The following LIN7C variants were observed in gnomAD, a reference collection of about 807,000 sequenced individuals.
LIN7C encodes protein lin-7 homolog C.
A neutral mutation model predicts 24.7 loss-of-function variants in LIN7C; 17 were observed. That is an observed-to-expected ratio of 0.69 (90% CI 0.47 to 1.03). The LOEUF is 1.03. Among genes scored for constraint, LIN7C ranks in the 50% least tolerant of loss-of-function variants. The pLI, the probability that LIN7C is intolerant of heterozygous loss-of-function variation, is 0.00. For missense variants in LIN7C, 204 were observed against 239.0 expected, an observed-to-expected ratio of 0.85 and a Z score of 0.97; for synonymous variants, 90 against 83.4, an observed-to-expected ratio of 1.08 and a Z score of -0.43.
At position 27,499,533 on chromosome 11, in the gene LIN7C, A is replaced by G. The variant is rs766742309; in HGVS notation, c.264T>C (p.His88=). Residue 88 remains histidine (H), a synonymous_variant, in exon 4 of 5, where the codon CAT becomes CAC. Coordinates refer to ENST00000278193, the MANE Select transcript of LIN7C (RefSeq NM_018362.4). The part of the protein sequence containing the change: ...TVAAFAASEG[H]SHPRVVELPK... ...GTAGCTCAACAACTCGAGGATGAGA[A>G]TGTCCTTCACTGGCAGCAAATGCAG... 7 of 1,614,194 alleles carry G rather than the reference A, an allele frequency of 4.3e-6. No homozygotes were observed. Among genetic ancestry groups the G allele is most frequent in the Non-Finnish European group, 5.9e-6 (7 of 1,180,044 alleles).
chr11:27,505,708 T>C (rs1378557368), intron 1 of LIN7C, among the ~76,000 whole-genome samples: 6 of 152,228 alleles, frequency 3.9e-5, no homozygotes, highest in African/African-American at 9.6e-5. Flanking sequence ...ACAATAGTAA[T>C]ATTTAGACTA....
chr11:27,501,255 A>G (rs999192282), intron 3 of LIN7C, among the ~76,000 whole-genome samples: 1 of 152,190 alleles, frequency 6.6e-6, no homozygotes, highest in Admixed American at 6.5e-5. Flanking sequence ...GTATGCAAGT[A>G]CATTTCTATT....
intron 2 of LIN7C, 87 bp from the exon 3 acceptor site, chr11:27,501,653 TAA>T: frequency 9.0e-6 from 2 of 221,210 alleles, no homozygotes; most frequent in Non-Finnish European, 1.6e-5. Context: ...TGCATCTTTA[TAA>T]AATGGTTTTA....
At position 27,498,484 on chromosome 11, in the gene LIN7C, T is replaced by C; in HGVS notation, c.*165A>G. 9.0e-6 allele frequency: 6 copies of C among 663,540 alleles called. No homozygotes were observed. The highest frequency in any genetic ancestry group is 7.4e-6 in the Non-Finnish European group (3 of 405,278). 41.1% of individuals were successfully genotyped at this position (663,540 alleles called of 1,614,324 possible). On this transcript the variant is annotated 3_prime_UTR_variant, in exon 5 of 5. Coordinates refer to ENST00000278193, the MANE Select transcript of LIN7C (RefSeq NM_018362.4). ...TGTCAGAAAAAAGTGTATGCATCTC[T>C]GGAACCATAAATGATGTTAAAATAG...
rs1304865801 is a variant in LIN7C, at chr11:27,498,102, T to C, written c.*547A>G. ...GAGTCATGATTTACCACTGGTTATA[T>C]ATATTATGTGTGTGTTCAAAGTACA... On this transcript the variant is annotated 3_prime_UTR_variant, in exon 5 of 5. Coordinates refer to ENST00000278193, the MANE Select transcript of LIN7C (RefSeq NM_018362.4). 2.0e-5 allele frequency: 3 copies of C among 152,480 alleles called. No homozygotes were observed. Among genetic ancestry groups the C allele is most frequent in the African/African-American group, 7.2e-5 (3 of 41,448 alleles). 9.4% of individuals were successfully genotyped at this position (152,480 alleles called of 1,614,324 possible). A position where few individuals can be genotyped will look rare whatever the true frequency, so the allele number is the denominator to read the frequency against.
chr11:27,496,002 C>CA lies in LIN7C; in HGVS notation c.*2646dup, dbSNP rs11378974. ...AAAAACAAACAAACCAAAAAAAAAA[C>CA]AAAAAAAAAACCTAAGAAATGTAAT... On this transcript the variant is annotated 3_prime_UTR_variant, in exon 5 of 5. Transcript: ENST00000278193. The CA allele has an allele frequency of 0.42, 61,703 of 145,786 alleles. 14,579 individuals carry two copies. Among genetic ancestry groups the CA allele is most frequent in the Non-Finnish European group, 0.54 (36,092 of 66,608 alleles). The allele number at this position is 145,786 out of a possible 1,614,324, so 9.0% of individuals were successfully genotyped here. A position where few individuals can be genotyped will look rare whatever the true frequency, so the allele number is the denominator to read the frequency against.
chr11:27,499,702 A>C, intron 3 of LIN7C, 134 bp from the exon 4 acceptor site: 1 of 726,654 alleles, frequency 1.4e-6, no homozygotes, highest in South Asian at 1.8e-5. Context: ...GGCTCACTGC[A>C]AGCTCCACCT....
rs1421955467 is a variant in LIN7C at position 27,498,584 on chromosome 11, TAGTA to T, written c.*61_*64del. On this transcript the variant is annotated 3_prime_UTR_variant, in exon 5 of 5. Transcript: ENST00000278193. Reference sequence around the variant, plus strand: ...TTACAATCATTGGCATTGCAGCCATTAGTAAGTCACAAGGAAAACTTCTCTAGCT... The same window carrying T: ...TTACAATCATTGGCATTGCAGCCATTAGTCACAAGGAAAACTTCTCTAGCT... 2 of 1,438,160 alleles carry T rather than the reference TAGTA, an allele frequency of 1.4e-6. No individual in the cohort carries two copies. The highest frequency in any genetic ancestry group is 4.6e-5 in the East Asian group (2 of 43,174). The allele number at this position is 1,438,160 out of a possible 1,614,324, so 89.1% of individuals were successfully genotyped here.
At chr11:27,503,509 G>T (rs139878960) in intron 1 of LIN7C, among the ~76,000 whole-genome samples, 1 of 152,174 alleles carries the variant, frequency 6.6e-6, no homozygotes, top group East Asian at 1.9e-4. Flanking sequence ...ATGTAGTAAA[G>T]AAAGATATTT....
At chr11:27,502,025 G>T (rs1297147946) in intron 1 of LIN7C, 105 bp from the exon 2 acceptor site, 5 of 680,230 alleles carry the variant, frequency 7.4e-6, no homozygotes, top group Non-Finnish European at 1.0e-5. Flanking sequence ...ATAATATACA[G>T]ACAATCGAGG....
At position 27,498,657 on chromosome 11, in the gene LIN7C, G is replaced by A. The variant is rs749771139; in HGVS notation, c.586C>T (p.Gln196Ter). The A allele has an allele frequency of 4.3e-6, 7 of 1,613,786 alleles. No individual in the cohort carries two copies. The highest frequency in any genetic ancestry group is 5.9e-6 in the Non-Finnish European group (7 of 1,179,890). Residue 196 changes from glutamine (Q) to a stop codon, truncating the protein, a stop_gained, in exon 5 of 5, where the codon CAG becomes TAG. Transcript: ENST00000278193. LOFTEE classifies it high-confidence loss of function. ...TCAAGTTTTGAAATGTATTAGGTCT[G>A]TTGCCTGCGTTTTGCTGATCTCATT... ...EKMRSAKRRQ[Q>*]T is the part of the protein sequence containing the mutation.
chr11:27,495,644 T>C lies in LIN7C; in HGVS notation c.*3005A>G, dbSNP rs1004005594. 6.6e-6 allele frequency: 1 copy of C among 151,372 alleles called. No homozygotes were observed. The highest frequency in any genetic ancestry group is 2.4e-5 in the African/African-American group (1 of 41,126). 9.4% of individuals were successfully genotyped at this position (151,372 alleles called of 1,614,324 possible). ...CAATTTTTAAACATGCTTTCTCAAATAACAAACACGTATTTTTGTAAGTTT... is the reference window on the plus strand; with the variant it reads ...CAATTTTTAAACATGCTTTCTCAAACAACAAACACGTATTTTTGTAAGTTT... On this transcript the variant is annotated 3_prime_UTR_variant, in exon 5 of 5. Coordinates refer to ENST00000278193, the MANE Select transcript of LIN7C (RefSeq NM_018362.4).
At position 27,494,521 on chromosome 11, in the gene LIN7C, A is replaced by G. The variant is rs542844381; in HGVS notation, c.*4128T>C. ...GTTTTTTTATACATACCTTTCATAA[A>G]CGTTATCTATTGTGTAGTTATATCA... On this transcript the variant is annotated 3_prime_UTR_variant, in exon 5 of 5. Coordinates refer to ENST00000278193, the MANE Select transcript of LIN7C (RefSeq NM_018362.4). The G allele has an allele frequency of 6.6e-6, 1 of 152,352 alleles. No homozygotes were observed. Among genetic ancestry groups the G allele is most frequent in the African/African-American group, 2.4e-5 (1 of 41,576 alleles). The allele number at this position is 152,352 out of a possible 1,614,324, so 9.4% of individuals were successfully genotyped here.
Position 27,501,575 on chromosome 11 carries a change from G to A in LIN7C, c.157-9C>T. The A allele has an allele frequency of 6.5e-7, 1 of 1,550,262 alleles. No individual in the cohort carries two copies. The highest frequency in any genetic ancestry group is 1.2e-5 in the South Asian group (1 of 82,338). On this transcript the variant is annotated splice_polypyrimidine_tract_variant and intron_variant, in intron 2 of 4. Coordinates refer to ENST00000278193, the MANE Select transcript of LIN7C (RefSeq NM_018362.4). ...TAGACATGTTCATATACCTGTAAAA[G>A]CCAAAGTTATATCTCAGAATATACC...
intron 3 of LIN7C, 102 bp downstream of exon 3, chr11:27,501,393 C>T (rs1167734202): frequency 1.4e-5 from 10 of 734,958 alleles, no homozygotes; most frequent in Non-Finnish European, 2.3e-5. Flanking sequence ...TTGAAAGATA[C>T]ATGTTAGTCT....
intron 1 of LIN7C, among the ~76,000 whole-genome samples, chr11:27,506,205 G>C (rs1011668323): frequency 1.3e-5 from 2 of 152,204 alleles, no homozygotes; most frequent in East Asian, 1.9e-4. Flanking sequence ...ATTTCTAGGA[G>C]GGGCACAAAA....
chr11:27,500,938 C>G (rs1865218644), intron 3 of LIN7C, among the ~76,000 whole-genome samples: 1 of 152,196 alleles, frequency 6.6e-6, no homozygotes. Flanking sequence ...TCACCGACTG[C>G]TGATATTACC....
intron 1 of LIN7C, 138 bp downstream of exon 1, chr11:27,506,578 A>G (rs1865303691): frequency 1.1e-6 from 1 of 899,844 alleles, no homozygotes; most frequent in Non-Finnish European, 1.8e-6. Context: ...AGGCACAGAG[A>G]CAACGGCGGC....
intron 1 of LIN7C, among the ~76,000 whole-genome samples, chr11:27,503,326 T>A (rs1402012011): frequency 6.6e-6 from 1 of 152,218 alleles, no homozygotes; most frequent in Non-Finnish European, 1.5e-5. Flanking sequence ...AAAACTGTTT[T>A]GGTATACTGT....
Sources: allele counts gnomAD v4.1 joint callset (sites outside exome capture counted in the v4.1 genomes callset), GRCh38; gene constraint gnomAD v4.1.1; transcripts MANE v1.5; gene names NCBI Gene and HGNC (gene_info 2026-07-23, HGNC 2026-07-21).